The following CTIF variants were observed in gnomAD, a reference collection of about 807,000 sequenced individuals.
The protein encoded by CTIF is CBP80/20-dependent translation initiation factor.
In CTIF, 21 loss-of-function variants were observed where a neutral mutation model predicts 66.0. The ratio of observed to expected loss-of-function variants is 0.32; its 90% confidence interval spans 0.23 to 0.46. CTIF has a LOEUF of 0.46. Ranked by LOEUF, CTIF falls within the 20% of genes least tolerant of loss-of-function variation. The probability of loss-of-function intolerance (pLI) is 1.00; values close to 1 mark genes in which losing one functional copy is unlikely to be tolerated. For missense variants in CTIF, 739 were observed against 812.7 expected, an observed-to-expected ratio of 0.91 and a Z score of 1.10; for synonymous variants, 345 against 326.4, an observed-to-expected ratio of 1.06 and a Z score of -0.62.
chr18:48,670,497 CA>C, intron 5 of CTIF, 171 bp from the exon 6 acceptor site: 1 of 571,082 alleles, frequency 1.8e-6, no homozygotes, highest in South Asian at 2.0e-5. Flanking sequence ...CCCCCCCCCA[CA>C]CACACACAGC....
chr18:48,555,098 C>T (rs758786018), intron 1 of CTIF, among the ~76,000 whole-genome samples: 76 of 152,350 alleles, frequency 5.0e-4, no homozygotes, highest in Non-Finnish European at 9.8e-4. Flanking sequence ...TTTATCAATG[C>T]TTCTCCTAAA....
chr18:48,665,439 G>A (rs1186655599), intron 5 of CTIF, among the ~76,000 whole-genome samples: 2 of 152,150 alleles, frequency 1.3e-5, no homozygotes, highest in Non-Finnish European at 2.9e-5. Flanking sequence ...GGGACAAATG[G>A]CTGCTCCTTC....
At chr18:48,651,037 A>C (rs1452149605) in intron 3 of CTIF, among the ~76,000 whole-genome samples, 1 of 152,220 alleles carries the variant, frequency 6.6e-6, no homozygotes, top group African/African-American at 2.4e-5. Context: ...CCACTGCAAA[A>C]ACATGCCAAA....
Position 48,541,080 on chromosome 18 carries a change from C to A in CTIF, c.-29+1768C>A, listed in dbSNP as rs1482646002. ...CCGCCCCCAGTCCACGCTGGGGTGA[C>A]CCCGCACCGAGGCGTTCTATGGGTG... On this transcript the variant is annotated intron_variant, in intron 1 of 11. Coordinates refer to ENST00000256413, the MANE Select transcript of CTIF (RefSeq NM_014772.3). Among the ~76,000 whole-genome samples, 8 of 152,302 alleles carry A rather than the reference C, an allele frequency of 5.3e-5. No individual in the cohort carries two copies. In the South Asian group the frequency reaches 1.4e-3, roughly 28 times the overall value.
At chr18:48,545,804 A>G (rs911752594) in intron 1 of CTIF, among the ~76,000 whole-genome samples, 2 of 152,112 alleles carry the variant, frequency 1.3e-5, no homozygotes, top group African/African-American at 2.4e-5. Flanking sequence ...CACTGAGCGT[A>G]ACCACGGTGA....
chr18:48,619,229 T>G (rs879325786), intron 1 of CTIF, among the ~76,000 whole-genome samples: 3 of 152,226 alleles, frequency 2.0e-5, no homozygotes, highest in Non-Finnish European at 4.4e-5. Context: ...GCTCATCTTC[T>G]GCCTTTCCCA....
At chr18:48,756,851 G>C (rs929202005) in intron 7 of CTIF, among the ~76,000 whole-genome samples, 2 of 152,204 alleles carry the variant, frequency 1.3e-5, no homozygotes, top group African/African-American at 4.8e-5. Context: ...CCTGTGCTTA[G>C]AAAGTGTTGT....
chr18:48,759,352 C>T (rs1435946722), intron 8 of CTIF, among the ~76,000 whole-genome samples: 5 of 152,172 alleles, frequency 3.3e-5, no homozygotes, highest in Admixed American at 2.6e-4. Context: ...TCCTCCCCTA[C>T]TGCCGACTCT....
chr18:48,637,628 C>T (rs1293821249), intron 3 of CTIF, among the ~76,000 whole-genome samples: 1 of 152,168 alleles, frequency 6.6e-6, no homozygotes, highest in Non-Finnish European at 1.5e-5. Context: ...CACCCAACTC[C>T]TCTATTCTGT....
chr18:48,663,890 GA>G (rs745853920), intron 4 of CTIF, 65 bp downstream of exon 4: 5 of 1,426,652 alleles, frequency 3.5e-6, no homozygotes, highest in Non-Finnish European at 5.0e-6. Context: ...CTTCCTTGGG[GA>G]CGGAATGAAC....
intron 1 of CTIF, among the ~76,000 whole-genome samples, chr18:48,545,635 G>A (rs1368160991): frequency 2.6e-5 from 4 of 151,936 alleles, no homozygotes; most frequent in East Asian, 1.9e-4. Flanking sequence ...TGGGGTTGGG[G>A]TGGGAGGGAA....
intron 1 of CTIF, among the ~76,000 whole-genome samples, chr18:48,583,229 T>C (rs1160253257): frequency 6.6e-6 from 1 of 152,094 alleles, no homozygotes; most frequent in East Asian, 1.9e-4. Flanking sequence ...GGGCCAACAG[T>C]GCTTTGGCCC....
chr18:48,795,485 C>T (rs1327029104), intron 9 of CTIF, among the ~76,000 whole-genome samples: 1 of 152,184 alleles, frequency 6.6e-6, no homozygotes, highest in Non-Finnish European at 1.5e-5. Flanking sequence ...AAAAGGAAGC[C>T]TGCAGTGAGC....
At chr18:48,634,509 C>G (rs941681610) in intron 2 of CTIF, among the ~76,000 whole-genome samples, 1 of 152,178 alleles carries the variant, frequency 6.6e-6, no homozygotes, top group African/African-American at 2.4e-5. Flanking sequence ...ACCTGAGGCT[C>G]AAAGAAAGAA....
intron 9 of CTIF, among the ~76,000 whole-genome samples, chr18:48,779,158 C>T (rs564172568): frequency 3.3e-5 from 5 of 152,250 alleles, no homozygotes; most frequent in Admixed American, 3.3e-4. Context: ...TGGTGTCGCT[C>T]ATGTCTGGGG....
Position 48,860,301 on chromosome 18 carries a change from A to G in CTIF, c.*742A>G, listed in dbSNP as rs1031973502. ...GGTTGCTTTGAAGTCTCTTTGGCCA[A>G]TGAAAATGCCCGTGATGTGATCACA... On this transcript the variant is annotated 3_prime_UTR_variant, in exon 12 of 12. Coordinates refer to ENST00000256413, the MANE Select transcript of CTIF (RefSeq NM_014772.3). 1.0e-5 allele frequency: 3 copies of G among 288,812 alleles called. No individual in the cohort carries two copies. The highest frequency in any genetic ancestry group is 1.4e-5 in the Non-Finnish European group (2 of 145,624). The allele number at this position is 288,812 out of a possible 1,614,324, so 17.9% of individuals were successfully genotyped here. A position where few individuals can be genotyped will look rare whatever the true frequency, so the allele number is the denominator to read the frequency against.
intron 6 of CTIF, among the ~76,000 whole-genome samples, chr18:48,694,521 T>C (rs2091978037): frequency 6.6e-6 from 1 of 152,252 alleles, no homozygotes; most frequent in South Asian, 2.1e-4. Context: ...CACTGTCTGC[T>C]ACAGAGCCAT....
Position 48,646,307 on chromosome 18 carries a change from T to G in CTIF, c.252+9622T>G, listed in dbSNP as rs528755548. On this transcript the variant is annotated intron_variant, in intron 3 of 11. Transcript: ENST00000256413. ...CTGAAGGTGATGTACAGATGGCAGA[T>G]AAGCACACAAAAAATATGCAACATC... Among the ~76,000 whole-genome samples the G allele has an allele frequency of 1.5e-3, 226 of 152,296 alleles. 1 individual carries two copies. Among genetic ancestry groups the G allele is most frequent in the African/African-American group, 5.4e-3 (224 of 41,562 alleles).
intron 9 of CTIF, among the ~76,000 whole-genome samples, chr18:48,793,623 G>A (rs2067842814): frequency 6.6e-6 from 1 of 152,178 alleles, no homozygotes; most frequent in Non-Finnish European, 1.5e-5. Context: ...GCTCCAGGGG[G>A]CTTCTTGTGT....
Sources: gnomAD v4.1 joint callset for allele counts (sites outside exome capture counted in the v4.1 genomes callset) on GRCh38, gnomAD v4.1.1 for gene constraint, MANE v1.5 for transcripts, NCBI Gene and HGNC (gene_info 2026-07-23, HGNC 2026-07-21) for gene names.